Variants in SDK1 observed in about 807,000 individuals in gnomAD.
The protein encoded by SDK1 is protein sidekick-1.
A neutral mutation model predicts 245.5 loss-of-function variants in SDK1; 157 were observed. That is an observed-to-expected ratio of 0.64 (90% CI 0.56 to 0.73). The LOEUF (loss-of-function observed/expected upper bound fraction) is 0.73. Ranked by LOEUF, SDK1 falls within the 30% of genes least tolerant of loss-of-function variation. The pLI is 0.00. For missense variants in SDK1, 3,583 were observed against 3,002.3 expected, an observed-to-expected ratio of 1.19 and a Z score of -4.52; for synonymous variants, 1,647 against 1,278.5, an observed-to-expected ratio of 1.29 and a Z score of -6.15.
At position 3,431,363 on chromosome 7, in the gene SDK1, T is replaced by C. The variant is rs1174856666; in HGVS notation, c.298+129479T>C. On this transcript the variant is annotated intron_variant, in intron 1 of 44. Coordinates refer to ENST00000404826, the MANE Select transcript of SDK1 (RefSeq NM_152744.4). ...TCACTCTGAAAATGTGGGAGGTTTT[T>C]TTTTTTTTTTTTTTTTTTAAAGCAA... 1.2e-3 allele frequency among the ~76,000 whole-genome samples: 178 copies of C among 149,922 alleles called. 4 individuals are homozygous for C. Among genetic ancestry groups the C allele is most frequent in the African/African-American group, 4.3e-3 (172 of 40,088 alleles).
intron 1 of SDK1, among the ~76,000 whole-genome samples, chr7:3,491,597 C>A (rs762759897): frequency 8.5e-5 from 13 of 152,200 alleles, no homozygotes; most frequent in Non-Finnish European, 1.2e-4. Flanking sequence ...ATGAGATTTA[C>A]TTAGAAAGGG....
chr7:3,970,876 GC>G (rs1363499753), intron 11 of SDK1, among the ~76,000 whole-genome samples: 2 of 152,198 alleles, frequency 1.3e-5, no homozygotes, highest in Admixed American at 6.5e-5. Context: ...GTTCCTGGAA[GC>G]AGAGCAGGTC....
intron 17 of SDK1, among the ~76,000 whole-genome samples, chr7:4,045,483 C>A (rs530479846): frequency 4.6e-5 from 7 of 151,984 alleles, no homozygotes; most frequent in Non-Finnish European, 7.4e-5. Context: ...TGGGCTCAAG[C>A]GATCCTCCCA....
Position 4,265,348 on chromosome 7 carries a change from G to A in SDK1, c.6606G>A (p.Ala2202=), listed in dbSNP as rs368037665. The change falls in exon 45 of 45, where the codon GCG becomes GCA. Residue 2202 remains alanine (A), a synonymous_variant. Coordinates refer to ENST00000404826, the MANE Select transcript of SDK1 (RefSeq NM_152744.4). The stretch of plus-strand genomic sequence containing the variant: ...TCTACACCCCCGCTGGCCCCGGCGC[G>A]CGAACTCCGCTCACCGGCTTCTCCT... ...GGVYTPAGPG[A]RTPLTGFSSF... The A allele has an allele frequency of 8.9e-6, 13 of 1,460,764 alleles. No individual in the cohort carries two copies. The highest frequency in any genetic ancestry group is 8.1e-5 in the Admixed American group (3 of 37,266). 90.5% of individuals were successfully genotyped at this position (1,460,764 alleles called of 1,614,324 possible).
intron 1 of SDK1, among the ~76,000 whole-genome samples, chr7:3,614,348 G>A (rs1186370346): frequency 2.6e-5 from 4 of 152,254 alleles, no homozygotes; most frequent in South Asian, 2.1e-4. Flanking sequence ...GAATACAGAA[G>A]TATTCCTAAC....
At chr7:3,338,079 G>C (rs551083581) in intron 1 of SDK1, 2 of 182,538 alleles carry the variant, frequency 1.1e-5, no homozygotes, top group Admixed American at 6.1e-5. Flanking sequence ...AAAAAGTGGG[G>C]AAGGGCCTTT....
intron 32 of SDK1, among the ~76,000 whole-genome samples, chr7:4,173,119 A>T (rs1781956729): frequency 1.3e-5 from 2 of 152,194 alleles, no homozygotes; most frequent in Admixed American, 1.3e-4. Context: ...AGTGAGCCCG[A>T]CACCGGAAGT....
At chr7:3,380,906 C>T (rs771620274) in intron 1 of SDK1, among the ~76,000 whole-genome samples, 19 of 152,124 alleles carry the variant, frequency 1.2e-4, no homozygotes, top group Non-Finnish European at 1.6e-4. Context: ...GTGAGAAAGC[C>T]GTCTTTAGCT....
chr7:3,991,787 C>T (rs1218494385), intron 14 of SDK1, among the ~76,000 whole-genome samples: 1 of 152,224 alleles, frequency 6.6e-6, no homozygotes, highest in Non-Finnish European at 1.5e-5. Context: ...TTGGCTGAAG[C>T]AGCCTGTGCT....
Position 3,618,471 on chromosome 7 carries a change from C to T in SDK1, c.299-609C>T, listed in dbSNP as rs1781836946. ...CTCGGCTTGATGTGTGTGGGATTTA[C>T]CTGTGTTGCTATGTGTAGCAATTGT... is the stretch of plus-strand genomic sequence containing the variant. On this transcript the variant is annotated intron_variant, in intron 1 of 44. Coordinates refer to ENST00000404826, the MANE Select transcript of SDK1 (RefSeq NM_152744.4). 2.0e-5 allele frequency among the ~76,000 whole-genome samples: 3 copies of T among 152,216 alleles called. No individual in the cohort carries two copies. In the South Asian group the frequency reaches 6.2e-4, roughly 32 times the overall value.
intron 17 of SDK1, among the ~76,000 whole-genome samples, chr7:4,024,140 ATTACC>A (rs1787148733): frequency 6.6e-6 from 1 of 152,230 alleles, no homozygotes; most frequent in Non-Finnish European, 1.5e-5. Context: ...GTTTCAGAAC[ATTACC>A]TTATAATGAA....
At chr7:3,517,791 T>G (rs1782800204) in intron 1 of SDK1, among the ~76,000 whole-genome samples, 1 of 152,172 alleles carries the variant, frequency 6.6e-6, no homozygotes, top group Admixed American at 6.5e-5. Flanking sequence ...CCTGTGCATT[T>G]CCTCTCCTAG....
At chr7:3,565,374 A>C (rs982869727) in intron 1 of SDK1, among the ~76,000 whole-genome samples, 32 of 152,132 alleles carry the variant, frequency 2.1e-4, no homozygotes, top group African/African-American at 7.7e-4. Flanking sequence ...ATGCACTATA[A>C]AGTATGTACC....
chr7:4,237,273 GT>G (rs1786230480), intron 41 of SDK1, among the ~76,000 whole-genome samples: 1 of 151,954 alleles, frequency 6.6e-6, no homozygotes, highest in Non-Finnish European at 1.5e-5. Flanking sequence ...ATCAGGCAGT[GT>G]TTTTAAACAG....
chr7:3,377,388 C>G (rs1781380379), intron 1 of SDK1, among the ~76,000 whole-genome samples: 3 of 152,082 alleles, frequency 2.0e-5, no homozygotes, highest in Admixed American at 2.0e-4. Flanking sequence ...TCCAGCTGCC[C>G]CCTGCGCTAA....
rs752141037 is a variant in SDK1 at position 3,507,337 on chromosome 7, C to A, written c.299-111743C>A. ...TTTCTGGACCTCTTTCTTTGTAGAACTCCTTCTGTTTTTGTATTCTCCCTT... is the reference window on the plus strand; with the variant it reads ...TTTCTGGACCTCTTTCTTTGTAGAAATCCTTCTGTTTTTGTATTCTCCCTT... On this transcript the variant is annotated intron_variant, in intron 1 of 44. Transcript: ENST00000404826. 7.4e-4 allele frequency among the ~76,000 whole-genome samples: 113 copies of A among 152,156 alleles called. 2 individuals carry two copies. The highest frequency in any genetic ancestry group is 2.6e-4 in the Non-Finnish European group (18 of 68,032).
At chr7:3,547,792 T>A (rs1019293855) in intron 1 of SDK1, among the ~76,000 whole-genome samples, 13 of 152,200 alleles carry the variant, frequency 8.5e-5, no homozygotes, top group Non-Finnish European at 1.2e-4. Context: ...TGTGCACACT[T>A]CATTACACTC....
At chr7:3,793,605 C>G (rs759765799) in intron 4 of SDK1, among the ~76,000 whole-genome samples, 1 of 152,182 alleles carries the variant, frequency 6.6e-6, no homozygotes, top group Non-Finnish European at 1.5e-5. Flanking sequence ...CTGTTGTCAG[C>G]AACTAAGCAA....
intron 4 of SDK1, among the ~76,000 whole-genome samples, chr7:3,729,704 C>T (rs1245290494): frequency 6.6e-6 from 1 of 152,150 alleles, no homozygotes. Flanking sequence ...CCTAGGTCAG[C>T]TTCACAATGA....
Sources: gnomAD v4.1 joint callset for allele counts (sites outside exome capture counted in the v4.1 genomes callset) on GRCh38, gnomAD v4.1.1 for gene constraint, MANE v1.5 for transcripts, NCBI Gene and HGNC (gene_info 2026-07-23, HGNC 2026-07-21) for gene names.